Variants in RSPRY1 observed in about 807,000 individuals in gnomAD.
RSPRY1 encodes ring finger and SPRY domain containing 1, also known as RING finger and SPRY domain-containing protein 1.
RSPRY1 carries 23 observed loss-of-function variants against 73.1 expected under a neutral mutation model. The ratio of observed to expected loss-of-function variants is 0.31; its 90% CI spans 0.23 to 0.45. The LOEUF (loss-of-function observed/expected upper bound fraction) is 0.45, where lower values mean the gene tolerates loss of function less well. Among genes scored for constraint, RSPRY1 ranks in the 20% least tolerant of loss-of-function variants. The pLI, the probability that RSPRY1 is intolerant of heterozygous loss-of-function variation, is 1.00. For missense variants in RSPRY1, 448 were observed against 698.7 expected, an observed-to-expected ratio of 0.64 and a Z score of 4.05; for synonymous variants, 226 against 251.4, an observed-to-expected ratio of 0.90 and a Z score of 0.95.
chr16:57,234,853 A>T (rs1476972604), intron 13 of RSPRY1, among the ~76,000 whole-genome samples: 1 of 152,244 alleles, frequency 6.6e-6, no homozygotes, highest in Non-Finnish European at 1.5e-5. Flanking sequence ...CTTAGAACTA[A>T]AGGATTTTAA....
At chr16:57,196,533 GA>G (rs2074450940) in intron 1 of RSPRY1, among the ~76,000 whole-genome samples, 1 of 152,102 alleles carries the variant, frequency 6.6e-6, no homozygotes. Flanking sequence ...CAGAAATTCT[GA>G]TTCTGGCTAT....
At chr16:57,235,518 A>G (rs1255197825) in intron 14 of RSPRY1, among the ~76,000 whole-genome samples, 2 of 152,168 alleles carry the variant, frequency 1.3e-5, no homozygotes, top group Non-Finnish European at 2.9e-5. Context: ...GAGCTTCCTC[A>G]TTTACTTCTT....
Position 57,186,420 on chromosome 16 carries a change from C to A in RSPRY1, c.-187C>A. 1.3e-5 allele frequency: 2 copies of A among 157,188 alleles called. No individual in the cohort carries two copies. The highest frequency in any genetic ancestry group is 1.7e-4 in the South Asian group (1 of 5,716). The allele number at this position is 157,188 out of a possible 1,614,324, so 9.7% of individuals were successfully genotyped here. On this transcript the variant is annotated 5_prime_UTR_variant, in exon 1 of 15. Coordinates refer to ENST00000394420, the MANE Select transcript of RSPRY1 (RefSeq NM_133368.3). ...AGGAGTCGCGCCGCCGCCGCCGCCC[C>A]CTCCCTCCGGTGGGCCCGGGAGGTA...
chr16:57,207,997 C>A, intron 2 of RSPRY1, 61 bp from the exon 3 acceptor site: 1 of 1,043,732 alleles, frequency 9.6e-7, no homozygotes, highest in South Asian at 1.4e-5. Flanking sequence ...AGTTTGAATT[C>A]TTATTTGGAA....
In RSPRY1 at chr16:57,221,258, T is replaced by C; in HGVS notation, c.1018-14T>C. The stretch of plus-strand genomic sequence containing the variant: ...GCCCTCATAGTTGATTGACACATTT[T>C]TTGGTTTTGCCAGGCTCGCTGTGAT... On this transcript the variant is annotated splice_polypyrimidine_tract_variant and intron_variant, in intron 9 of 14. Transcript: ENST00000394420. 1.9e-6 allele frequency: 3 copies of C among 1,613,242 alleles called. No homozygotes were observed. Among genetic ancestry groups the C allele is most frequent in the Non-Finnish European group, 1.7e-6 (2 of 1,179,764 alleles).
chr16:57,227,064 C>T (rs1183328291), intron 10 of RSPRY1, among the ~76,000 whole-genome samples: 1 of 152,166 alleles, frequency 6.6e-6, no homozygotes, highest in African/African-American at 2.4e-5. Context: ...CCACCAGCCT[C>T]ATGATAATGT....
rs2074829613 is a variant in RSPRY1 at position 57,210,873 on chromosome 16, CAG to C, written c.516+1687_516+1688del. On this transcript the variant is annotated intron_variant, in intron 4 of 14. Transcript: ENST00000394420. ...TTCTACAAAAAAATCCAAAAGTTAA[CAG>C]GGTAACGTGGTGCATGCCTATAGTC... 2.0e-5 allele frequency among the ~76,000 whole-genome samples: 3 copies of C among 151,412 alleles called. No individual in the cohort carries two copies. In the South Asian group the frequency reaches 6.3e-4, roughly 32 times the overall value.
chr16:57,230,717 C>A lies in RSPRY1; in HGVS notation c.1280C>A (p.Thr427Lys), dbSNP rs1441552416. 6.4e-7 allele frequency: 1 copy of A among 1,561,784 alleles called. No individual in the cohort carries two copies. The part of the protein sequence containing the change: ...HIHPCWKEGD[T>K]VGFLLDLNEK... ...GTTTCTCTTTATCCTCTAGGAGATA[C>A]AGTAGGATTTCTGTTAGACTTGAAT... The change falls in exon 12 of 15, where the codon ACA becomes AAA. Residue 427 changes from threonine to lysine, a missense_variant. Transcript: ENST00000394420.
chr16:57,212,958 C>G lies in RSPRY1; in HGVS notation c.517-14C>G. On this transcript the variant is annotated splice_polypyrimidine_tract_variant and intron_variant, in intron 4 of 14. Coordinates refer to ENST00000394420, the MANE Select transcript of RSPRY1 (RefSeq NM_133368.3). ...AGTATATGGGTCAAACCCACTTGTA[C>G]TTTTTTGTTTTAGGATGCACTCCAG... 1 of 1,612,328 alleles carries G rather than the reference C, an allele frequency of 6.2e-7. No homozygotes were observed. The highest frequency in any genetic ancestry group is 8.5e-7 in the Non-Finnish European group (1 of 1,179,088).
chr16:57,208,225 G>T (rs2146263181), intron 3 of RSPRY1, 115 bp downstream of exon 3: 1 of 532,068 alleles, frequency 1.9e-6, no homozygotes, highest in Non-Finnish European at 3.2e-6. Flanking sequence ...CAAAAATACA[G>T]CATACATAAC....
intron 13 of RSPRY1, among the ~76,000 whole-genome samples, chr16:57,231,820 G>T (rs2075226403): frequency 6.6e-6 from 1 of 152,174 alleles, no homozygotes; most frequent in Admixed American, 6.5e-5. Flanking sequence ...GTGTGGCAAA[G>T]ATGACAACAC....
chr16:57,209,985 A>G (rs562921369), intron 4 of RSPRY1, among the ~76,000 whole-genome samples: 63 of 151,924 alleles, frequency 4.1e-4, no homozygotes, highest in Admixed American at 1.2e-3. Context: ...CACATTCTCT[A>G]TCAAGGCTTT....
intron 1 of RSPRY1, among the ~76,000 whole-genome samples, chr16:57,194,479 T>C (rs1180758273): frequency 1.3e-5 from 2 of 152,014 alleles, no homozygotes; most frequent in Non-Finnish European, 2.9e-5. Flanking sequence ...TAGGGAAAAA[T>C]CCGAAAACAT....
chr16:57,186,317 A>G (rs766202723), upstream of RSPRY1: 7 of 234,338 alleles, frequency 3.0e-5, no homozygotes, highest in Non-Finnish European at 4.9e-5. Context: ...GGCGGTACGA[A>G]GCGGGGGTGG....
chr16:57,224,459 A>G (rs1446715042), intron 10 of RSPRY1: 1 of 152,226 alleles, frequency 6.6e-6, no homozygotes, highest in East Asian at 1.9e-4. Flanking sequence ...CTGTGGATAA[A>G]CTTTCTTTTG....
chr16:57,235,625 G>T (rs188562003), intron 14 of RSPRY1, among the ~76,000 whole-genome samples: 1 of 152,278 alleles, frequency 6.6e-6, no homozygotes, highest in Non-Finnish European at 1.5e-5. Flanking sequence ...GGACCCTATA[G>T]AACAGAGTGA....
At chr16:57,236,815 G>A (rs1294006625) in intron 14 of RSPRY1, among the ~76,000 whole-genome samples, 3 of 152,136 alleles carry the variant, frequency 2.0e-5, no homozygotes, top group African/African-American at 7.2e-5. Flanking sequence ...TAGAAAGTAA[G>A]ACCTAGCAAC....
intron 1 of RSPRY1, among the ~76,000 whole-genome samples, chr16:57,191,831 C>T (rs1230326588): frequency 3.3e-5 from 5 of 152,142 alleles, no homozygotes; most frequent in African/African-American, 1.2e-4. Flanking sequence ...TTCAGTGTTA[C>T]CAAAGTTCCT....
chr16:57,201,056 G>C (rs112518312), intron 1 of RSPRY1, among the ~76,000 whole-genome samples: 98,085 of 133,670 alleles, frequency 0.73, 34,239 homozygotes, highest in Non-Finnish European at 0.78. Flanking sequence ...CCGGGCGGGG[G>C]GCTGACCCCC....
Sources: gnomAD v4.1 joint callset for allele counts (sites outside exome capture counted in the v4.1 genomes callset) on GRCh38, gnomAD v4.1.1 for gene constraint, MANE v1.5 for transcripts, NCBI Gene and HGNC (gene_info 2026-07-23, HGNC 2026-07-21) for gene names.